Variants in ADK observed in about 807,000 individuals in gnomAD.
ADK encodes the protein N6,N6-dimethyladenosine kinase.
ADK carries 24 observed loss-of-function variants against 44.7 expected under a neutral mutation model. The observed-to-expected ratio is 0.54, with a 90% CI of 0.39 to 0.76. The LOEUF (loss-of-function observed/expected upper bound fraction) is 0.76, where lower values mean the gene tolerates loss of function less well. Ranked by LOEUF, ADK falls within the 30% of genes least tolerant of loss-of-function variation. The pLI, the probability that ADK is intolerant of heterozygous loss-of-function variation, is 0.00. For missense variants in ADK, 321 were observed against 425.1 expected (o/e 0.76, Z 2.15); for synonymous variants, 128 against 142.6 (o/e 0.90, Z 0.73).
At chr10:74,225,105 A>G (rs12252705) in intron 3 of ADK, among the ~76,000 whole-genome samples, 31,531 of 152,042 alleles carry the variant, frequency 0.21, 4,425 homozygotes, top group African/African-American at 0.4. Flanking sequence ...ATTTTTTTGA[A>G]ACAGAGTCTT....
At chr10:74,218,900 G>C (rs1269794633) in intron 2 of ADK, among the ~76,000 whole-genome samples, 2 of 152,222 alleles carry the variant, frequency 1.3e-5, no homozygotes, top group Admixed American at 1.3e-4. Flanking sequence ...ACCGGTACCA[G>C]CTGCTGCAAA....
At chr10:74,706,324 C>T (rs566421528) in intron 10 of ADK, among the ~76,000 whole-genome samples, 44 of 152,210 alleles carry the variant, frequency 2.9e-4, no homozygotes, top group Admixed American at 1.2e-3. Context: ...TACTTTTTAC[C>T]TCTTACTAAG....
intron 3 of ADK, among the ~76,000 whole-genome samples, chr10:74,309,798 A>G (rs1046988522): frequency 3.9e-5 from 6 of 152,274 alleles, no homozygotes; most frequent in African/African-American, 1.4e-4. Context: ...ATTATATTGA[A>G]TGAATTTATT....
At chr10:74,657,135 C>T (rs1271255375) in intron 9 of ADK, among the ~76,000 whole-genome samples, 2 of 151,968 alleles carry the variant, frequency 1.3e-5, no homozygotes, top group Non-Finnish European at 2.9e-5. Flanking sequence ...CTCCTGGCCT[C>T]GAGTGTTCCT....
intron 1 of ADK, chr10:74,174,611 A>C (rs1229137352): frequency 6.6e-6 from 1 of 152,260 alleles, no homozygotes; most frequent in Non-Finnish European, 1.5e-5. Context: ...CATTTTCCAC[A>C]AGAGAAGGTG....
chr10:74,502,455 C>T (rs561057493), intron 6 of ADK, among the ~76,000 whole-genome samples: 47 of 152,070 alleles, frequency 3.1e-4, no homozygotes, highest in African/African-American at 8.0e-4. Flanking sequence ...ACAGAAGGCA[C>T]CTATATTTTA....
chr10:74,328,242 A>G (rs902271486), intron 4 of ADK, among the ~76,000 whole-genome samples: 1 of 152,160 alleles, frequency 6.6e-6, no homozygotes, highest in Non-Finnish European at 1.5e-5. Context: ...ACAACTTACA[A>G]CTTTTAAAAC....
intron 9 of ADK, among the ~76,000 whole-genome samples, chr10:74,617,526 A>G (rs1419687844): frequency 6.6e-6 from 1 of 152,126 alleles, no homozygotes; most frequent in Non-Finnish European, 1.5e-5. Context: ...TCACCTTTGC[A>G]TTCTTGGAAT....
At chr10:74,670,053 A>G in intron 9 of ADK, 130 bp from the exon 10 acceptor site, 5 of 772,690 alleles carry the variant, frequency 6.5e-6, no homozygotes, top group Non-Finnish European at 1.1e-5. Context: ...GCCCCTGTAC[A>G]GAATATGGAG....
chr10:74,303,588 G>GGTT (rs1840139429), intron 3 of ADK, among the ~76,000 whole-genome samples: 1 of 68,576 alleles, frequency 1.5e-5, no homozygotes, highest in African/African-American at 7.9e-5. Flanking sequence ...TTTTAATGTT[G>GGTT]TTTTTTTTTT....
chr10:74,271,846 A>G (rs1846443681), intron 3 of ADK, among the ~76,000 whole-genome samples: 1 of 151,858 alleles, frequency 6.6e-6, no homozygotes, highest in East Asian at 1.9e-4. Flanking sequence ...TAATTATTTG[A>G]TATGACAAAG....
intron 3 of ADK, among the ~76,000 whole-genome samples, chr10:74,270,187 A>G (rs187203201): frequency 3.7e-4 from 56 of 152,334 alleles, no homozygotes; most frequent in African/African-American, 1.1e-3. Flanking sequence ...TAATGTGCCT[A>G]TGCCCCAAAG....
At chr10:74,160,480 T>C (rs1841858475) in intron 1 of ADK, among the ~76,000 whole-genome samples, 2 of 152,224 alleles carry the variant, frequency 1.3e-5, no homozygotes, top group Non-Finnish European at 1.5e-5. Flanking sequence ...TAAAAGTTGC[T>C]GACACACCAC....
At chr10:74,433,386 G>A (rs1287347661) in intron 6 of ADK, among the ~76,000 whole-genome samples, 1 of 152,164 alleles carries the variant, frequency 6.6e-6, no homozygotes, top group Non-Finnish European at 1.5e-5. Flanking sequence ...GCTAAGAATG[G>A]ACTGAAGATT....
chr10:74,200,668 A>G (rs1591842622), intron 1 of ADK, 96 bp from the exon 2 acceptor site: 1 of 818,676 alleles, frequency 1.2e-6, no homozygotes, highest in South Asian at 1.4e-5. Flanking sequence ...GTTTATTTTC[A>G]GGTTGAAATG....
At chr10:74,649,285 T>A (rs1260974990) in intron 9 of ADK, among the ~76,000 whole-genome samples, 1 of 152,150 alleles carries the variant, frequency 6.6e-6, no homozygotes, top group Admixed American at 6.6e-5. Flanking sequence ...TATATAAAAA[T>A]TAGATTATTA....
intron 1 of ADK, among the ~76,000 whole-genome samples, chr10:74,196,977 CA>C (rs1272364311): frequency 2.0e-5 from 3 of 152,176 alleles, no homozygotes; most frequent in African/African-American, 7.2e-5. Flanking sequence ...AAGGCAGCCA[CA>C]TTGAAGCCAT....
chr10:74,535,492 G>A (rs1039187328), intron 7 of ADK, among the ~76,000 whole-genome samples: 6 of 151,204 alleles, frequency 4.0e-5, no homozygotes, highest in Admixed American at 3.9e-4. Flanking sequence ...AGTAAAATGA[G>A]AATTCATAAA....
intron 7 of ADK, among the ~76,000 whole-genome samples, chr10:74,541,921 T>G (rs1403319145): frequency 1.3e-5 from 2 of 151,160 alleles, no homozygotes; most frequent in Non-Finnish European, 2.9e-5. Context: ...GTTAAGAAAA[T>G]GTTGGCCCAG....
Sources: gnomAD v4.1 joint callset for allele counts (sites outside exome capture counted in the v4.1 genomes callset) on GRCh38, gnomAD v4.1.1 for gene constraint, MANE v1.5 for transcripts, NCBI Gene and HGNC (gene_info 2026-07-23, HGNC 2026-07-21) for gene names.